The following RADIL variants were observed in gnomAD, a reference collection of about 807,000 sequenced individuals.
RADIL encodes the protein Rap associating with DIL domain.
Under a neutral mutation model 97.6 loss-of-function variants are expected in RADIL, and 99 were observed. The ratio of observed to expected loss-of-function variants is 1.01; its 90% CI spans 0.86 to 1.20. The LOEUF (loss-of-function observed/expected upper bound fraction) is 1.20. Among genes scored for constraint, RADIL ranks in the 50% most tolerant of loss-of-function variants. The probability of loss-of-function intolerance (pLI) is 0.00; values close to 1 mark genes in which losing one functional copy is unlikely to be tolerated. For synonymous variants in RADIL, 803 were observed against 691.8 expected, an observed-to-expected ratio of 1.16 and a Z score of -2.52; for missense variants, 1,765 against 1,498.9, an observed-to-expected ratio of 1.18 and a Z score of -2.93.
rs116917121 is a variant in RADIL at position 4,813,760 on chromosome 7, G to A, written c.2139+1518C>T. Among the ~76,000 whole-genome samples the A allele has an allele frequency of 6.6e-6, 1 of 152,340 alleles. No homozygotes were observed. Among genetic ancestry groups the A allele is most frequent in the East Asian group, 1.9e-4 (1 of 5,188 alleles). ...TTTGTGTTTCTTTCCGGCTGTGCGG[G>A]CTGTCCTCAGTGGAACTGCAGGCTC... On this transcript the variant is annotated intron_variant, in intron 9 of 14. Transcript: ENST00000399583. This position sits in a 1 kb window ranked among gnomAD's most constrained non-coding sequence, Gnocchi z 5.0.
In RADIL at chr7:4,821,876, C is replaced by G. The variant is rs912002950; in HGVS notation, c.1615+518G>C. ...GTCTCAAAAAAAGAAAAAGAAATCC[C>G]GAAATGTGTATTTCCCACATCTTAA... On this transcript the variant is annotated intron_variant, in intron 6 of 14. Transcript: ENST00000399583. The surrounding 1 kb of genome is among the most constrained non-coding windows in gnomAD (Gnocchi z 5.2). Among the ~76,000 whole-genome samples the G allele has an allele frequency of 1.3e-5, 2 of 152,016 alleles. No individual in the cohort carries two copies. The highest frequency in any genetic ancestry group is 1.3e-4 in the Admixed American group (2 of 15,258).
intron 5 of RADIL, among the ~76,000 whole-genome samples, chr7:4,828,566 A>G (rs1421076383): frequency 2.0e-5 from 3 of 152,260 alleles, no homozygotes; most frequent in African/African-American, 7.2e-5. Context: ...GTGATCATTC[A>G]CAATTTGAAA....
At position 4,822,817 on chromosome 7, in the gene RADIL, G is replaced by C. The variant is rs114547162; in HGVS notation, c.1455-263C>G. On this transcript the variant is annotated intron_variant, in intron 5 of 14. Coordinates refer to ENST00000399583, the MANE Select transcript of RADIL (RefSeq NM_018059.5). This position sits in a 1 kb window ranked among gnomAD's most constrained non-coding sequence, Gnocchi z 5.3. ...AGCCATTGGTAAAAAACCTCGGTAA[G>C]TAGATGGCTTGCATGTCTTCTCTTT... Among the ~76,000 whole-genome samples, 451 of 152,300 alleles carry C rather than the reference G, an allele frequency of 3.0e-3. 2 individuals carry two copies. Among genetic ancestry groups the C allele is most frequent in the African/African-American group, 0.011 (437 of 41,568 alleles).
At chr7:4,871,730 A>G (rs1784260698) in intron 2 of RADIL, among the ~76,000 whole-genome samples, 2 of 152,178 alleles carry the variant, frequency 1.3e-5, no homozygotes, top group African/African-American at 4.8e-5. Flanking sequence ...GCAGACGCAT[A>G]GGAGCTAAGA....
chr7:4,816,355 C>A lies in RADIL; in HGVS notation c.1839G>T (p.Val613=), dbSNP rs761068401. 2 of 1,611,796 alleles carry A rather than the reference C, an allele frequency of 1.2e-6. No individual in the cohort carries two copies. The highest frequency in any genetic ancestry group is 2.2e-5 in the South Asian group (2 of 90,898). The change falls in exon 8 of 15, where the codon GTG becomes GTT. Residue 613 remains valine, a synonymous_variant. Transcript: ENST00000399583. ...PELPEELRRV[V]SVYQAALDLL... ...GGTCCAGGGCTGCCTGGTACACAGA[C>A]ACCACGCGGCGCAGCTCCTCGGGCA...
chr7:4,831,705 C>A (rs1265429877), intron 5 of RADIL, among the ~76,000 whole-genome samples: 1 of 148,006 alleles, frequency 6.8e-6, no homozygotes, highest in Non-Finnish European at 1.5e-5. Flanking sequence ...TATCGTGAAA[C>A]CCCATCTCTA....
chr7:4,874,654 T>G (rs948172308), intron 2 of RADIL, among the ~76,000 whole-genome samples: 1 of 152,340 alleles, frequency 6.6e-6, no homozygotes, highest in Admixed American at 6.5e-5. Flanking sequence ...CTGGGCAGCC[T>G]GATGGACTCT....
chr7:4,809,547 C>T (rs1043934914), intron 9 of RADIL: 17 of 985,468 alleles, frequency 1.7e-5, no homozygotes, highest in South Asian at 4.7e-5. Flanking sequence ...AGCCCCCAGG[C>T]CCGCCCAGGC....
intron 10 of RADIL, among the ~76,000 whole-genome samples, chr7:4,804,472 G>T (rs1286918621): frequency 6.6e-6 from 1 of 152,208 alleles, no homozygotes; most frequent in Non-Finnish European, 1.5e-5. Flanking sequence ...GAAGGGAGAT[G>T]TGTGTATAAT....
In RADIL at chr7:4,879,861, G is replaced by T. The variant is rs1004327484; in HGVS notation, c.-64-1658C>A. On this transcript the variant is annotated intron_variant, in intron 1 of 14. Coordinates refer to ENST00000399583, the MANE Select transcript of RADIL (RefSeq NM_018059.5). This position sits in a 1 kb window ranked among gnomAD's most constrained non-coding sequence, Gnocchi z 4.1. Reference sequence around the variant, plus strand: ...TCTTCTCTGGAGCCTCTCACTGCCCGCCAGAGCTGTCATGGGTGAGTCCTG... The same window carrying T: ...TCTTCTCTGGAGCCTCTCACTGCCCTCCAGAGCTGTCATGGGTGAGTCCTG... Among the ~76,000 whole-genome samples the T allele has an allele frequency of 1.3e-5, 2 of 152,244 alleles. No homozygotes were observed. Among genetic ancestry groups the T allele is most frequent in the Admixed American group, 1.3e-4 (2 of 15,290 alleles).
At position 4,813,563 on chromosome 7, in the gene RADIL, C is replaced by G. The variant is rs78990804; in HGVS notation, c.2139+1715G>C. Among the ~76,000 whole-genome samples the G allele has an allele frequency of 1.8e-3, 267 of 152,344 alleles. 8 individuals are homozygous for G. In the East Asian group the frequency reaches 0.038, roughly 21 times the overall value. On this transcript the variant is annotated intron_variant, in intron 9 of 14. Coordinates refer to ENST00000399583, the MANE Select transcript of RADIL (RefSeq NM_018059.5). This position sits in a 1 kb window ranked among gnomAD's most constrained non-coding sequence, Gnocchi z 5.0. ...TGTGCTGTTCCAGTTTCTGTTTCCC[C>G]ACCAGTGGCCCCTGCCTGGACAAAG...
chr7:4,871,310 CA>C (rs2115045347), intron 2 of RADIL, among the ~76,000 whole-genome samples: 1 of 152,326 alleles, frequency 6.6e-6, no homozygotes, highest in Non-Finnish European at 1.5e-5. Context: ...AAAAATATTT[CA>C]AATGAAAACA....
Position 4,840,661 on chromosome 7 carries a change from T to C in RADIL, c.536-4056A>G, listed in dbSNP as rs942223008. 3.9e-5 allele frequency among the ~76,000 whole-genome samples: 6 copies of C among 152,162 alleles called. No homozygotes were observed. The highest frequency in any genetic ancestry group is 6.5e-5 in the Admixed American group (1 of 15,282). On this transcript the variant is annotated intron_variant, in intron 2 of 14. Coordinates refer to ENST00000399583, the MANE Select transcript of RADIL (RefSeq NM_018059.5). The surrounding 1 kb of genome is among the most constrained non-coding windows in gnomAD (Gnocchi z 5.6). Reference sequence around the variant, plus strand: ...AACATGAAATAAGTTCAGTGAGAAATACATCATCAAGAAACCACTATTTCT... The same window carrying C: ...AACATGAAATAAGTTCAGTGAGAAACACATCATCAAGAAACCACTATTTCT...
At chr7:4,861,885 G>C in intron 2 of RADIL, 1 of 558,378 alleles carries the variant, frequency 1.8e-6, no homozygotes, top group Non-Finnish European at 2.4e-6. Context: ...GTCATGATCC[G>C]CTGAGGCGGA....
At chr7:4,861,868 C>T in intron 2 of RADIL, 2 of 1,242,850 alleles carry the variant, frequency 1.6e-6, no homozygotes, top group South Asian at 1.9e-5. Context: ...TCGCGGCCGC[C>T]GCCCGGGTCA....
chr7:4,808,573 C>T lies in RADIL; in HGVS notation c.2140-2857G>A, dbSNP rs990704139. On this transcript the variant is annotated intron_variant, in intron 9 of 14. Coordinates refer to ENST00000399583, the MANE Select transcript of RADIL (RefSeq NM_018059.5). The stretch of plus-strand genomic sequence containing the variant: ...GAGATGGGACATAGACAAAAGCGGC[C>T]GCAAAGCCCGAAGTCCTCACAGCTT... 8.2e-6 allele frequency: 8 copies of T among 976,512 alleles called. No individual in the cohort carries two copies. In the Admixed American group the frequency reaches 4.4e-4, roughly 54 times the overall value. The allele number at this position is 976,512 out of a possible 1,614,324, so 60.5% of individuals were successfully genotyped here.
intron 2 of RADIL, among the ~76,000 whole-genome samples, chr7:4,856,048 A>G (rs1159473174): frequency 3.3e-5 from 5 of 151,728 alleles, no homozygotes; most frequent in African/African-American, 1.2e-4. Flanking sequence ...GCCTCAAGTG[A>G]TCCGCTCGCC....
chr7:4,834,467 G>C lies in RADIL; in HGVS notation c.1416+140C>G. 3.8e-6 allele frequency: 4 copies of C among 1,044,976 alleles called. No individual in the cohort carries two copies. Among genetic ancestry groups the C allele is most frequent in the Non-Finnish European group, 4.9e-6 (4 of 818,138 alleles). The allele number at this position is 1,044,976 out of a possible 1,614,324, so 64.7% of individuals were successfully genotyped here. A position where few individuals can be genotyped will look rare whatever the true frequency, so the allele number is the denominator to read the frequency against. Reference sequence around the variant, plus strand: ...GGGCTGGGGGGCAGCGACAGGCAGGGAAAGGCCGCCCTGCGCTCAGCAGCA... The same window carrying C: ...GGGCTGGGGGGCAGCGACAGGCAGGCAAAGGCCGCCCTGCGCTCAGCAGCA... On this transcript the variant is annotated intron_variant, in intron 4 of 14. Transcript: ENST00000399583. The surrounding 1 kb of genome is among the most constrained non-coding windows in gnomAD (Gnocchi z 6.0).
At chr7:4,806,680 G>A (rs1019510461) in intron 9 of RADIL, among the ~76,000 whole-genome samples, 11 of 152,264 alleles carry the variant, frequency 7.2e-5, no homozygotes, top group African/African-American at 2.4e-4. Flanking sequence ...CTGTTTCTAT[G>A]GAATAGATCT....
Sources: gnomAD v4.1 joint callset for allele counts (sites outside exome capture counted in the v4.1 genomes callset) on GRCh38, gnomAD v4.1.1 for gene constraint, Gnocchi (gnomAD v3.1) non-coding constraint, MANE v1.5 for transcripts, NCBI Gene and HGNC (gene_info 2026-07-23, HGNC 2026-07-21) for gene names.